SEPTIN7: variants seen among roughly 807,000 people sequenced by gnomAD.
The protein encoded by SEPTIN7 is septin 7, also known as septin-7.
SEPTIN7 carries 10 observed loss-of-function variants against 63.3 expected under a neutral mutation model. The observed-to-expected ratio is 0.16, with a 90% CI of 0.10 to 0.27. The LOEUF is 0.27. SEPTIN7 is among the 10% of genes least tolerant of loss of function. The pLI is 1.00. For missense variants in SEPTIN7, 310 were observed against 521.0 expected, an observed-to-expected ratio of 0.59 and a Z score of 3.94; for synonymous variants, 131 against 165.3, an observed-to-expected ratio of 0.79 and a Z score of 1.59.
intron 1 of SEPTIN7, among the ~76,000 whole-genome samples, chr7:35,802,900 G>A (rs1788089204): frequency 1.3e-5 from 2 of 152,166 alleles, no homozygotes; most frequent in Non-Finnish European, 2.9e-5. Flanking sequence ...GGAGATAAGA[G>A]TTGAGTGAAG....
At chr7:35,915,306 C>G in the SEPTIN7 span, among the ~76,000 whole-genome samples, 686 of 152,214 alleles carry the variant, frequency 4.5e-3, 26 homozygotes, top group Admixed American at 0.04. Context: ...CATGCACCTG[C>G]TCATACACAC....
intron 1 of SEPTIN7, among the ~76,000 whole-genome samples, chr7:35,828,742 G>T (rs143494626): frequency 2.1e-4 from 32 of 152,044 alleles, no homozygotes; most frequent in African/African-American, 7.2e-4. Context: ...TCTGCATGGC[G>T]ATGATTCCTA....
Position 35,865,136 on chromosome 7 carries a change from A to G in SEPTIN7, c.276+1478A>G, listed in dbSNP as rs1785737218. ...ATTTATTTTGTGATAAATATTGGAA[A>G]TTTTAATCCTAAGCAAGAAAATGAA... On this transcript the variant is annotated intron_variant, in intron 4 of 13. Coordinates refer to ENST00000350320, the MANE Select transcript of SEPTIN7 (RefSeq NM_001788.6). Among the ~76,000 whole-genome samples, 3 of 152,064 alleles carry G rather than the reference A, an allele frequency of 2.0e-5. 1 individual carries two copies. The South Asian group carries it at 6.2e-4, about 32-fold the overall frequency.
At chr7:35,801,353 G>T in intron 1 of SEPTIN7, 83 bp downstream of exon 1, 1 of 1,483,514 alleles carries the variant, frequency 6.7e-7, no homozygotes, top group Admixed American at 2.4e-5. Context: ...ACCGAGCTAG[G>T]GAACGCCCTG....
At chr7:35,859,786 A>T (rs75356935) in intron 3 of SEPTIN7, among the ~76,000 whole-genome samples, 62 of 152,312 alleles carry the variant, frequency 4.1e-4, no homozygotes, top group Non-Finnish European at 8.7e-4. Context: ...ATTTTGTCTG[A>T]TATTAGTGTG....
In SEPTIN7 at chr7:35,823,247, G is replaced by A. The variant is rs144682773; in HGVS notation, c.62-8245G>A. Among the ~76,000 whole-genome samples, 446 of 152,208 alleles carry A rather than the reference G, an allele frequency of 2.9e-3. 1 individual carries two copies. The highest frequency in any genetic ancestry group is 4.6e-3 in the Non-Finnish European group (311 of 68,008). ...ACAGAGTTTCGCTCTTGTTGCCCAGGCTGGAGTACAATAGCGTGATCTTGG... is the reference window on the plus strand; with the variant it reads ...ACAGAGTTTCGCTCTTGTTGCCCAGACTGGAGTACAATAGCGTGATCTTGG... On this transcript the variant is annotated intron_variant, in intron 1 of 13. Transcript: ENST00000350320.
At position 35,879,456 on chromosome 7, in the gene SEPTIN7, G is replaced by T. The variant is rs185768189; in HGVS notation, c.513-367G>T. ...ATTACACCACTGCACTCCACCCAGG[G>T]CAACAGAGTGAGACCCTGTCTTAAA... On this transcript the variant is annotated intron_variant, in intron 6 of 13. Coordinates refer to ENST00000350320, the MANE Select transcript of SEPTIN7 (RefSeq NM_001788.6). 14 of 161,712 alleles carry T rather than the reference G, an allele frequency of 8.7e-5. 1 individual carries two copies. The East Asian group carries it at 2.4e-3, about 28-fold the overall frequency. 10.0% of individuals were successfully genotyped at this position (161,712 alleles called of 1,614,324 possible).
At chr7:35,881,478 T>C (rs1267865241) in intron 7 of SEPTIN7, among the ~76,000 whole-genome samples, 1 of 151,854 alleles carries the variant, frequency 6.6e-6, no homozygotes, top group Non-Finnish European at 1.5e-5. Flanking sequence ...TCATCATGTA[T>C]TTGTCAATTC....
At chr7:35,912,823 G>T in the SEPTIN7 span, among the ~76,000 whole-genome samples, 2,030 of 152,354 alleles carry the variant, frequency 0.013, 122 homozygotes, top group East Asian at 0.21. Flanking sequence ...ATTAATAATA[G>T]TACTTACTTT....
intron 11 of SEPTIN7, among the ~76,000 whole-genome samples, chr7:35,893,020 G>T (rs1178083383): frequency 6.6e-6 from 1 of 152,078 alleles, no homozygotes; most frequent in Admixed American, 6.6e-5. Flanking sequence ...ACATTGTCTT[G>T]AAAATGTTAG....
chr7:35,801,962 T>G (rs1788020591), intron 1 of SEPTIN7, among the ~76,000 whole-genome samples: 2 of 152,018 alleles, frequency 1.3e-5, no homozygotes, highest in South Asian at 4.1e-4. Flanking sequence ...GGGCGAGTCT[T>G]GAGAACGGAG....
rs766661106 is a variant in SEPTIN7 at position 35,904,689 on chromosome 7, C to T, written c.*396C>T. On this transcript the variant is annotated 3_prime_UTR_variant, in exon 14 of 14. Coordinates refer to ENST00000350320, the MANE Select transcript of SEPTIN7 (RefSeq NM_001788.6). ...CCATAATATGATGCAAACTGTGCTT[C>T]TCTATGATAATTACAATACAAAGGT... The T allele has an allele frequency of 6.4e-5, 10 of 156,206 alleles. No individual in the cohort carries two copies. The highest frequency in any genetic ancestry group is 7.1e-5 in the Non-Finnish European group (5 of 70,734). The allele number at this position is 156,206 out of a possible 1,614,324, so 9.7% of individuals were successfully genotyped here.
chr7:35,817,154 C>T (rs1342128914), intron 1 of SEPTIN7, among the ~76,000 whole-genome samples: 1 of 151,756 alleles, frequency 6.6e-6, no homozygotes, highest in Non-Finnish European at 1.5e-5. Context: ...GAAAATATAC[C>T]CCTATGTTTT....
chr7:35,844,826 C>G (rs1352122205), intron 3 of SEPTIN7, among the ~76,000 whole-genome samples: 1 of 152,152 alleles, frequency 6.6e-6, no homozygotes, highest in Non-Finnish European at 1.5e-5. Flanking sequence ...TGATTTCCAA[C>G]TCCTGACTAC....
chr7:35,908,981 G>C (rs1469691430), downstream of SEPTIN7, among the ~76,000 whole-genome samples: 3 of 152,132 alleles, frequency 2.0e-5, no homozygotes, highest in Admixed American at 6.5e-5. Context: ...CTGTGTCTTG[G>C]ATAAGCCAGT....
At chr7:35,818,179 G>A (rs1482208673) in intron 1 of SEPTIN7, among the ~76,000 whole-genome samples, 3 of 151,964 alleles carry the variant, frequency 2.0e-5, no homozygotes, top group East Asian at 1.9e-4. Context: ...TGTGTTTATC[G>A]TTGAAAGAGT....
intron 1 of SEPTIN7, among the ~76,000 whole-genome samples, chr7:35,811,190 CTTAG>C (rs1788686821): frequency 6.6e-6 from 1 of 151,920 alleles, no homozygotes; most frequent in Non-Finnish European, 1.5e-5. Context: ...TAATAATTTT[CTTAG>C]TTCTTTCCAT....
intron 3 of SEPTIN7, among the ~76,000 whole-genome samples, chr7:35,850,472 A>G (rs867878282): frequency 2.6e-5 from 4 of 152,224 alleles, no homozygotes; most frequent in African/African-American, 7.2e-5. Context: ...CTAACATGGT[A>G]AAACATTCTG....
At chr7:35,895,602 AAATT>A (rs1787913019) in intron 11 of SEPTIN7, among the ~76,000 whole-genome samples, 2 of 152,328 alleles carry the variant, frequency 1.3e-5, no homozygotes, top group East Asian at 1.9e-4. Flanking sequence ...TTTGGGAAAT[AAATT>A]AGCTTTAGCG....
Sources: allele counts gnomAD v4.1 joint callset (sites outside exome capture counted in the v4.1 genomes callset), GRCh38; gene constraint gnomAD v4.1.1; transcripts MANE v1.5; gene names NCBI Gene and HGNC (gene_info 2026-07-23, HGNC 2026-07-21).